Variants in CADPS observed in about 807,000 individuals in gnomAD.
CADPS encodes calcium dependent secretion activator, also known as calcium-dependent secretion activator 1.
A neutral mutation model predicts 167.3 loss-of-function variants in CADPS; 57 were observed. The observed-to-expected ratio is 0.34, with a 90% CI of 0.28 to 0.42. The LOEUF is 0.42. Among genes scored for constraint, CADPS ranks in the 20% least tolerant of loss-of-function variants. The pLI, the probability that CADPS is intolerant of heterozygous loss-of-function variation, is 1.00. For synonymous variants in CADPS, 676 were observed against 635.3 expected (o/e 1.06, Z -0.96); for missense variants, 1,414 against 1,738.1 (o/e 0.81, Z 3.32).
At chr3:62,629,578 C>G (rs1283333363) in intron 6 of CADPS, among the ~76,000 whole-genome samples, 1 of 152,208 alleles carries the variant, frequency 6.6e-6, no homozygotes, top group African/African-American at 2.4e-5. Context: ...CATTTCCCTG[C>G]AATCCAGTTC....
At chr3:62,858,635 T>G (rs1311627366) in intron 1 of CADPS, among the ~76,000 whole-genome samples, 1 of 152,188 alleles carries the variant, frequency 6.6e-6, no homozygotes, top group African/African-American at 2.4e-5. Context: ...ATGTAGATAT[T>G]ATATTTAAAA....
chr3:62,601,400 G>A lies in CADPS; in HGVS notation c.1326-8652C>T, dbSNP rs1253246083. Among the ~76,000 whole-genome samples, 1 of 152,186 alleles carries A rather than the reference G, an allele frequency of 6.6e-6. No homozygotes were observed. The highest frequency in any genetic ancestry group is 1.5e-5 in the Non-Finnish European group (1 of 68,046). On this transcript the variant is annotated intron_variant, in intron 6 of 29. Transcript: ENST00000383710. The surrounding 1 kb of genome is among the most constrained non-coding windows in gnomAD (Gnocchi z 4.3). ...TACTTTCTGGTCCTTTATAGAAAAA[G>A]TTTGCCGATCTCTGTTACAAACAGT...
chr3:62,732,434 GACAGTGACTCCAGCCA>G (rs1362469996), intron 3 of CADPS, among the ~76,000 whole-genome samples: 1 of 152,114 alleles, frequency 6.6e-6, no homozygotes, highest in African/African-American at 2.4e-5. Flanking sequence ...TAGTTGGGAG[GACAGTGACTCCAGCCA>G]ACACCTTCGT....
At chr3:62,757,465 T>C (rs910033090) in intron 2 of CADPS, among the ~76,000 whole-genome samples, 15 of 151,968 alleles carry the variant, frequency 9.9e-5, no homozygotes, top group African/African-American at 3.6e-4. Context: ...TAAATATTTG[T>C]GGAATGAGTG....
intron 6 of CADPS, among the ~76,000 whole-genome samples, chr3:62,610,723 G>A (rs1374307468): frequency 2.0e-5 from 3 of 152,080 alleles, no homozygotes; most frequent in Admixed American, 1.3e-4. Flanking sequence ...GAATAGCAAG[G>A]GGAGTGTGAG....
At chr3:62,492,202 C>T in intron 20 of CADPS, 88 bp downstream of exon 20, 4 of 1,117,826 alleles carry the variant, frequency 3.6e-6, no homozygotes, top group Non-Finnish European at 5.3e-6. Context: ...TATGTCAAGC[C>T]TGTAGTCTGC....
At chr3:62,561,165 G>A (rs1183463063) in intron 9 of CADPS, among the ~76,000 whole-genome samples, 2 of 151,100 alleles carry the variant, frequency 1.3e-5, no homozygotes, top group African/African-American at 2.4e-5. Flanking sequence ...GGATTAGGCT[G>A]TAAATATGTA....
chr3:62,430,063 T>C (rs562470178), intron 28 of CADPS, among the ~76,000 whole-genome samples: 3 of 152,332 alleles, frequency 2.0e-5, no homozygotes, highest in Admixed American at 6.5e-5. Flanking sequence ...GTTACAGAAA[T>C]GTAAATCTGT....
At chr3:62,819,422 G>GTGTGT (rs2094791257) in intron 1 of CADPS, among the ~76,000 whole-genome samples, 1 of 151,524 alleles carries the variant, frequency 6.6e-6, no homozygotes, top group Non-Finnish European at 1.5e-5. Flanking sequence ...GTGTGTGTGT[G>GTGTGT]TGTGTGTGTG....
At chr3:62,695,563 A>T (rs577332533) in intron 3 of CADPS, among the ~76,000 whole-genome samples, 1 of 152,204 alleles carries the variant, frequency 6.6e-6, no homozygotes, top group Non-Finnish European at 1.5e-5. Context: ...TTCAGCTATG[A>T]TACATAACAA....
chr3:62,793,996 C>T (rs775298208), intron 1 of CADPS, among the ~76,000 whole-genome samples: 3 of 151,992 alleles, frequency 2.0e-5, no homozygotes, highest in Non-Finnish European at 2.9e-5. Flanking sequence ...CTCAATTATC[C>T]CTCACCCTCT....
Position 62,465,322 on chromosome 3 carries a change from A to C in CADPS, c.3636+45T>G, listed in dbSNP as rs776898923. 1.3e-6 allele frequency: 2 copies of C among 1,496,692 alleles called. No individual in the cohort carries two copies. Among genetic ancestry groups the C allele is most frequent in the Admixed American group, 2.0e-5 (1 of 48,872 alleles). 92.7% of individuals were successfully genotyped at this position (1,496,692 alleles called of 1,614,324 possible). A position where few individuals can be genotyped will look rare whatever the true frequency, so the allele number is the denominator to read the frequency against. Reference sequence around the variant, plus strand: ...ATAACTCCTCTCCCAAGCCGAAACCAAAAATTAAAACAAAAGCCAGGAAAT... The same window carrying C: ...ATAACTCCTCTCCCAAGCCGAAACCCAAAATTAAAACAAAAGCCAGGAAAT... On this transcript the variant is annotated intron_variant, in intron 26 of 29. Transcript: ENST00000383710. The surrounding 1 kb of genome is among the most constrained non-coding windows in gnomAD (Gnocchi z 4.1).
intron 3 of CADPS, among the ~76,000 whole-genome samples, chr3:62,724,406 A>G (rs944043637): frequency 7.0e-6 from 1 of 142,688 alleles, no homozygotes; most frequent in South Asian, 2.3e-4. Flanking sequence ...CTAAGAAACA[A>G]TAACAGTTTA....
intron 6 of CADPS, among the ~76,000 whole-genome samples, chr3:62,609,716 T>C (rs1485662126): frequency 6.6e-6 from 1 of 152,174 alleles, no homozygotes; most frequent in Non-Finnish European, 1.5e-5. Flanking sequence ...GAACACATGG[T>C]ATGGCTTGAA....
intron 1 of CADPS, among the ~76,000 whole-genome samples, chr3:62,873,095 T>C (rs1560037246): frequency 6.6e-6 from 1 of 152,208 alleles, no homozygotes; most frequent in African/African-American, 2.4e-5. Flanking sequence ...GGGCCACAGA[T>C]AAAGATGGAG....
chr3:62,654,711 G>A lies in CADPS; in HGVS notation c.970-3631C>T, dbSNP rs190359325. On this transcript the variant is annotated intron_variant, in intron 4 of 29. Coordinates refer to ENST00000383710, the MANE Select transcript of CADPS (RefSeq NM_003716.4). Reference sequence around the variant, plus strand: ...AGCCTGAAACTCATTACACTGACCTGTATCTTGCCTCCTCATACTGGGGCC... The same window carrying A: ...AGCCTGAAACTCATTACACTGACCTATATCTTGCCTCCTCATACTGGGGCC... 1.6e-3 allele frequency among the ~76,000 whole-genome samples: 239 copies of A among 152,242 alleles called. 1 individual carries two copies. The highest frequency in any genetic ancestry group is 5.6e-3 in the African/African-American group (232 of 41,528).
At position 62,403,118 on chromosome 3, in the gene CADPS, T is replaced by C. The variant is rs1307255630; in HGVS notation, c.3845A>G (p.His1282Arg). ...WLTDRMDLQL[H>R]IYQLKTLIRM... The stretch of plus-strand genomic sequence containing the variant: ...AATTAGTGTTTTCAACTGATAAATA[T>C]GAAGCTGTAAGTCCATCCGGTCCGT... Residue 1282 changes from histidine to arginine, a missense_variant, in exon 29 of 30, where the codon CAT becomes CGT. Around this residue, in one of 6 missense-constraint regions of CADPS, gnomAD observed 185 missense variants for 251.5 expected, o/e 0.74. Coordinates refer to ENST00000383710, the MANE Select transcript of CADPS (RefSeq NM_003716.4). 8 of 1,612,424 alleles carry C rather than the reference T, an allele frequency of 5.0e-6. No homozygotes were observed. The highest frequency in any genetic ancestry group is 3.3e-5 in the Admixed American group (2 of 59,980).
At chr3:62,422,245 A>C (rs1419835733) in intron 28 of CADPS, among the ~76,000 whole-genome samples, 1 of 152,158 alleles carries the variant, frequency 6.6e-6, no homozygotes, top group African/African-American at 2.4e-5. Flanking sequence ...AGTGAGCTTC[A>C]TTAAACGGTA....
intron 6 of CADPS, among the ~76,000 whole-genome samples, chr3:62,640,389 T>C (rs1283196553): frequency 6.6e-6 from 1 of 152,184 alleles, no homozygotes; most frequent in Non-Finnish European, 1.5e-5. Flanking sequence ...TCCATTTCTA[T>C]GAATAATTTG....
Sources: gnomAD v4.1 joint callset for allele counts (sites outside exome capture counted in the v4.1 genomes callset) on GRCh38, gnomAD v4.1.1 for gene constraint, gnomAD v4.1.1 regional missense constraint, Gnocchi (gnomAD v3.1) non-coding constraint, MANE v1.5 for transcripts, NCBI Gene and HGNC (gene_info 2026-07-23, HGNC 2026-07-21) for gene names.